PDHX: variants seen among roughly 807,000 people sequenced by gnomAD.
PDHX encodes the protein pyruvate dehydrogenase protein X component, mitochondrial.
A neutral mutation model predicts 55.3 loss-of-function variants in PDHX; 33 were observed. The observed-to-expected ratio is 0.60, with a 90% confidence interval of 0.45 to 0.80. The LOEUF is 0.80. Among genes scored for constraint, PDHX ranks in the 30% least tolerant of loss-of-function variants. The probability of loss-of-function intolerance (pLI) is 0.00; values close to 1 mark genes in which losing one functional copy is unlikely to be tolerated. For synonymous variants in PDHX, 226 were observed against 219.4 expected (o/e 1.03, Z -0.27); for missense variants, 622 against 619.9 (o/e 1.00, Z -0.04).
rs183623836 is a variant in PDHX, at chr11:34,975,859, C to T, written c.965-2265C>T. On this transcript the variant is annotated intron_variant, in intron 7 of 10. Coordinates refer to ENST00000227868, the MANE Select transcript of PDHX (RefSeq NM_003477.3). The stretch of plus-strand genomic sequence containing the variant: ...GCTTTCTTTTGCAACTTTCTACATC[C>T]CAGGTGAAAGCAGGACTTTTATCAG... 1.1e-3 allele frequency among the ~76,000 whole-genome samples: 163 copies of T among 152,234 alleles called. 1 individual carries two copies. The highest frequency in any genetic ancestry group is 3.8e-3 in the African/African-American group (157 of 41,552).
intron 2 of PDHX, among the ~76,000 whole-genome samples, chr11:34,944,206 T>C (rs1854567852): frequency 6.6e-6 from 1 of 151,890 alleles, no homozygotes; most frequent in Non-Finnish European, 1.5e-5. Flanking sequence ...TGCAACCCCC[T>C]TCTCCCAGGT....
intron 8 of PDHX, among the ~76,000 whole-genome samples, chr11:34,979,846 T>C (rs772545272): frequency 1.3e-5 from 2 of 152,078 alleles, no homozygotes; most frequent in Non-Finnish European, 2.9e-5. Flanking sequence ...CAGACCTTTT[T>C]TCCCTAATCA....
At chr11:34,946,546 C>T (rs901126911) in intron 2 of PDHX, among the ~76,000 whole-genome samples, 4 of 152,158 alleles carry the variant, frequency 2.6e-5, no homozygotes, top group African/African-American at 9.7e-5. Context: ...AGTCCCCCCT[C>T]GATCCTTGCC....
chr11:34,947,468 A>G (rs766854773), intron 2 of PDHX, 38 bp from the exon 3 acceptor site: 1 of 1,344,276 alleles, frequency 7.4e-7, no homozygotes, highest in Non-Finnish European at 1.1e-6. Context: ...TAATATTTAT[A>G]TTTTAAAAAA....
chr11:34,954,985 A>G (rs1854872384), intron 3 of PDHX, among the ~76,000 whole-genome samples: 2 of 152,226 alleles, frequency 1.3e-5, no homozygotes, highest in Non-Finnish European at 2.9e-5. Flanking sequence ...TTGAAATGAT[A>G]GACTCAACAT....
intron 7 of PDHX, among the ~76,000 whole-genome samples, chr11:34,973,030 G>A (rs1590761133): frequency 6.6e-6 from 1 of 152,178 alleles, no homozygotes; most frequent in Non-Finnish European, 1.5e-5. Context: ...TCTTTTGAGA[G>A]CAGTGTTGAT....
intron 2 of PDHX, among the ~76,000 whole-genome samples, chr11:34,944,375 C>T (rs775026765): frequency 6.2e-4 from 95 of 152,118 alleles, no homozygotes; most frequent in Non-Finnish European, 1.0e-3. Flanking sequence ...CCACCTCGGC[C>T]TCCCAAAGTG....
intron 4 of PDHX, among the ~76,000 whole-genome samples, chr11:34,959,394 C>T (rs1051742548): frequency 8.4e-6 from 1 of 118,666 alleles, no homozygotes; most frequent in African/African-American, 2.7e-5. Flanking sequence ...TTCAGGATGG[C>T]TAGTATCAAA....
intron 7 of PDHX, among the ~76,000 whole-genome samples, chr11:34,973,095 T>G (rs992488671): frequency 9.8e-5 from 15 of 152,300 alleles, no homozygotes; most frequent in African/African-American, 3.6e-4. Flanking sequence ...TGTCGGTTTT[T>G]GCTTCATGTA....
chr11:34,984,399 A>T (rs1445020181), intron 8 of PDHX, among the ~76,000 whole-genome samples, 171 bp from the exon 9 acceptor site: 2 of 152,238 alleles, frequency 1.3e-5, no homozygotes, highest in African/African-American at 4.8e-5. Flanking sequence ...CTTGGCAAAC[A>T]TAAAAGATAA....
chr11:34,987,620 C>T (rs1295455006), intron 9 of PDHX, among the ~76,000 whole-genome samples: 4 of 151,770 alleles, frequency 2.6e-5, no homozygotes, highest in South Asian at 2.1e-4. Context: ...ATTGTTTAAA[C>T]GGTGGCTTAA....
At chr11:34,953,893 G>A (rs1565158623) in intron 3 of PDHX, among the ~76,000 whole-genome samples, 1 of 152,188 alleles carries the variant, frequency 6.6e-6, no homozygotes, top group African/African-American at 2.4e-5. Context: ...ACAGTGCTTG[G>A]CACTTGAAAG....
At chr11:34,935,533 A>C (rs1854288038) in intron 2 of PDHX, among the ~76,000 whole-genome samples, 1 of 152,070 alleles carries the variant, frequency 6.6e-6, no homozygotes, top group Non-Finnish European at 1.5e-5. Context: ...GTGGTGGTAG[A>C]GTCTCCCCTC....
At chr11:34,978,090 A>C in intron 7 of PDHX, 34 bp from the exon 8 acceptor site, 1 of 1,081,656 alleles carries the variant, frequency 9.2e-7, no homozygotes, top group Non-Finnish European at 1.4e-6. Context: ...TTATATTAGG[A>C]ATACTAATTT....
chr11:34,994,114 A>G (rs1190254461), intron 10 of PDHX, among the ~76,000 whole-genome samples: 1 of 152,110 alleles, frequency 6.6e-6, no homozygotes, highest in East Asian at 1.9e-4. Context: ...TCATCATGCA[A>G]ACATCATAGA....
intron 3 of PDHX, among the ~76,000 whole-genome samples, chr11:34,951,150 G>A (rs1854758008): frequency 6.9e-6 from 1 of 145,812 alleles, no homozygotes; most frequent in Non-Finnish European, 1.5e-5. Context: ...TCCGCCTCCC[G>A]GGTTCACGCC....
intron 2 of PDHX, 60 bp from the exon 3 acceptor site, chr11:34,947,446 A>T: frequency 1.9e-6 from 2 of 1,075,070 alleles, no homozygotes; most frequent in African/African-American, 3.2e-5. Context: ...TCATACGTAC[A>T]TATATACATA....
Position 34,992,243 on chromosome 11 carries a change from A to G in PDHX, c.1183-72A>G. 3 of 859,716 alleles carry G rather than the reference A, an allele frequency of 3.5e-6. No homozygotes were observed. The South Asian group carries it at 4.1e-5, about 12-fold the overall frequency. 53.3% of individuals were successfully genotyped at this position (859,716 alleles called of 1,614,324 possible). ...TCAGAGATGAGAGTATATGATGTAC[A>G]AATATTTCAAGTGACAAGATCAACT... On this transcript the variant is annotated intron_variant, in intron 9 of 10. Coordinates refer to ENST00000227868, the MANE Select transcript of PDHX (RefSeq NM_003477.3).
chr11:34,936,050 C>G (rs1212707193), intron 2 of PDHX, among the ~76,000 whole-genome samples: 1 of 152,156 alleles, frequency 6.6e-6, no homozygotes, highest in Non-Finnish European at 1.5e-5. Flanking sequence ...ACTTTTGCCA[C>G]TAATGACAGA....
Sources: gnomAD v4.1 joint callset for allele counts (sites outside exome capture counted in the v4.1 genomes callset) on GRCh38, gnomAD v4.1.1 for gene constraint, MANE v1.5 for transcripts, NCBI Gene and HGNC (gene_info 2026-07-23, HGNC 2026-07-21) for gene names.